HECW1: variants seen among roughly 807,000 people sequenced by gnomAD.
HECW1 encodes HECT, C2 and WW domain containing E3 ubiquitin protein ligase 1, also known as E3 ubiquitin-protein ligase HECW1.
HECW1 carries 61 observed loss-of-function variants against 182.3 expected under a neutral mutation model. That is an observed-to-expected ratio of 0.33 (90% CI 0.27 to 0.41). The LOEUF is 0.41. HECW1 is among the 10% of genes least tolerant of loss of function. The probability of loss-of-function intolerance (pLI) is 1.00; values close to 1 mark genes in which losing one functional copy is unlikely to be tolerated. For synonymous variants in HECW1, 859 were observed against 832.6 expected, an observed-to-expected ratio of 1.03 and a Z score of -0.55; for missense variants, 1,739 against 2,108.9, an observed-to-expected ratio of 0.82 and a Z score of 3.44.
In HECW1 at chr7:43,355,062, G is replaced by A. The variant is rs374788708; in HGVS notation, c.461-5824G>A. Among the ~76,000 whole-genome samples the A allele has an allele frequency of 2.6e-4, 39 of 149,094 alleles. 1 individual carries two copies. The South Asian group carries it at 4.0e-3, about 15-fold the overall frequency. ...AAAAAAACTGCCTCCCAGGAATTCC[G>A]TATCCAGCAAAGTTATCCTTCAAAT... On this transcript the variant is annotated intron_variant, in intron 5 of 29. Transcript: ENST00000395891.
intron 2 of HECW1, among the ~76,000 whole-genome samples, chr7:43,182,660 T>G (rs181031020): frequency 2.3e-3 from 357 of 152,304 alleles, no homozygotes; most frequent in African/African-American, 8.2e-3. Context: ...TTCATACAAA[T>G]TTTAGGATTT....
intron 2 of HECW1, among the ~76,000 whole-genome samples, chr7:43,123,699 CCAGGGTGG>C (rs1481162905): frequency 1.2e-4 from 19 of 152,072 alleles, no homozygotes; most frequent in Non-Finnish European, 2.2e-4. Flanking sequence ...GTGGATGAGG[CCAGGGTGG>C]CAGATGTTTC....
intron 8 of HECW1, among the ~76,000 whole-genome samples, chr7:43,428,530 C>T (rs563310908): frequency 4.5e-4 from 69 of 152,064 alleles, no homozygotes; most frequent in Middle Eastern, 3.2e-3. Context: ...AAGAGCCATA[C>T]CTAGACCAGT....
At chr7:43,373,736 C>T (rs774208720) in intron 6 of HECW1, among the ~76,000 whole-genome samples, 2 of 152,120 alleles carry the variant, frequency 1.3e-5, no homozygotes, top group Non-Finnish European at 2.9e-5. Context: ...CGTCTATCTC[C>T]AGGACTTTTC....
chr7:43,469,457 G>A lies in HECW1; in HGVS notation c.3099+352G>A, dbSNP rs543105000. On this transcript the variant is annotated intron_variant, in intron 16 of 29. Coordinates refer to ENST00000395891, the MANE Select transcript of HECW1 (RefSeq NM_015052.5). ...ACTGAATTCTGTCCAATGACCTTTC[G>A]GTTGTTTGCCTCCTTAGACAGCTAA... Among the ~76,000 whole-genome samples, 180 of 152,198 alleles carry A rather than the reference G, an allele frequency of 1.2e-3. 1 individual carries two copies. The highest frequency in any genetic ancestry group is 2.2e-3 in the Non-Finnish European group (147 of 68,000).
At chr7:43,508,578 C>CCACATA (rs563935209) in intron 23 of HECW1, 7 of 246,972 alleles carry the variant, frequency 2.8e-5, no homozygotes, top group Non-Finnish European at 4.7e-5. Context: ...TTCAGTCCAC[C>CCACATA]CACATACACA....
In HECW1 at chr7:43,541,887, C is replaced by T; in HGVS notation, c.4137C>T (p.Asp1379=). The change falls in exon 26 of 30, where the codon GAC becomes GAT. Residue 1379 remains aspartate (D), a synonymous_variant. Coordinates refer to ENST00000395891, the MANE Select transcript of HECW1 (RefSeq NM_015052.5). The part of the protein sequence containing the change: ...ALLRLPCDLS[D]LEYLDEEFHQ... Reference sequence around the variant, plus strand: ...CACCCAGGCCCTGTGATTTGAGTGACCTGGAATATTTGGATGAGGAATTCC... The same window carrying T: ...CACCCAGGCCCTGTGATTTGAGTGATCTGGAATATTTGGATGAGGAATTCC... The T allele has an allele frequency of 6.5e-7, 1 of 1,532,370 alleles. No homozygotes were observed. The highest frequency in any genetic ancestry group is 8.8e-7 in the Non-Finnish European group (1 of 1,140,674). The allele number at this position is 1,532,370 out of a possible 1,614,324, so 94.9% of individuals were successfully genotyped here. A position where few individuals can be genotyped will look rare whatever the true frequency, so the allele number is the denominator to read the frequency against.
intron 6 of HECW1, among the ~76,000 whole-genome samples, chr7:43,387,190 C>T (rs2152831749): frequency 6.6e-6 from 1 of 152,228 alleles, no homozygotes; most frequent in Admixed American, 6.5e-5. Flanking sequence ...CCATTGTTCT[C>T]CCTCCCCTCC....
intron 2 of HECW1, among the ~76,000 whole-genome samples, chr7:43,235,743 T>C (rs1798271966): frequency 6.6e-6 from 1 of 152,174 alleles, no homozygotes; most frequent in Non-Finnish European, 1.5e-5. Flanking sequence ...TATTGGGCTC[T>C]ACTGGCATCT....
chr7:43,313,266 A>T (rs546063538), intron 4 of HECW1, among the ~76,000 whole-genome samples: 1 of 152,354 alleles, frequency 6.6e-6, no homozygotes, highest in East Asian at 1.9e-4. Flanking sequence ...TATTTCTGAA[A>T]AAAAATTGTT....
At chr7:43,554,899 C>T in intron 29 of HECW1, 109 bp downstream of exon 29, 1 of 987,294 alleles carries the variant, frequency 1.0e-6, no homozygotes, top group Non-Finnish European at 1.5e-6. Context: ...TTCCTGTCAC[C>T]CAAAGTATTG....
intron 2 of HECW1, among the ~76,000 whole-genome samples, chr7:43,158,088 A>G (rs1465910523): frequency 6.6e-6 from 1 of 152,222 alleles, no homozygotes; most frequent in Non-Finnish European, 1.5e-5. Context: ...ATAATTCAGG[A>G]AGCACTTTGT....
At chr7:43,532,679 C>G (rs557178951) in intron 24 of HECW1, among the ~76,000 whole-genome samples, 14 of 152,172 alleles carry the variant, frequency 9.2e-5, no homozygotes, top group Non-Finnish European at 1.6e-4. Context: ...CACTCTTTTT[C>G]TTTACTCAGG....
intron 8 of HECW1, among the ~76,000 whole-genome samples, chr7:43,428,598 C>A (rs1358133580): frequency 1.3e-5 from 2 of 152,180 alleles, no homozygotes; most frequent in Non-Finnish European, 2.9e-5. Context: ...GACTTACTGA[C>A]TGATTGGATA....
intron 6 of HECW1, among the ~76,000 whole-genome samples, chr7:43,363,145 G>C (rs1816177742): frequency 6.6e-6 from 1 of 152,218 alleles, no homozygotes; most frequent in African/African-American, 2.4e-5. Flanking sequence ...GTTGTGCAAT[G>C]TAGGCTTAAA....
At chr7:43,303,163 G>A (rs757487) in intron 3 of HECW1, among the ~76,000 whole-genome samples, 34,708 of 151,880 alleles carry the variant, frequency 0.23, 4,797 homozygotes, top group East Asian at 0.43. Context: ...GCTGCTGAAC[G>A]CCTCCAAACA....
chr7:43,271,887 C>T (rs979184519), intron 3 of HECW1, among the ~76,000 whole-genome samples: 2 of 151,842 alleles, frequency 1.3e-5, no homozygotes, highest in Non-Finnish European at 2.9e-5. Context: ...GCTTGAATAG[C>T]CAAAGAAATC....
intron 6 of HECW1, among the ~76,000 whole-genome samples, chr7:43,396,491 TAATA>T (rs1367429695): frequency 9.2e-5 from 14 of 152,240 alleles, no homozygotes; most frequent in African/African-American, 2.4e-5. Context: ...GGCCCTGCTT[TAATA>T]AATACTTTTT....
intron 5 of HECW1, among the ~76,000 whole-genome samples, chr7:43,342,231 T>G (rs1236466316): frequency 6.6e-6 from 1 of 151,856 alleles, no homozygotes; most frequent in Non-Finnish European, 1.5e-5. Context: ...TAGAGTGGAA[T>G]CATCAATGTT....
Sources: allele counts gnomAD v4.1 joint callset (sites outside exome capture counted in the v4.1 genomes callset), GRCh38; gene constraint gnomAD v4.1.1; transcripts MANE v1.5; gene names NCBI Gene and HGNC (gene_info 2026-07-23, HGNC 2026-07-21).